The following TGFB1 variants were observed in gnomAD, a reference collection of about 807,000 sequenced individuals.
TGFB1 encodes transforming growth factor beta 1.
TGFB1 carries 19 observed loss-of-function variants against 43.8 expected under a neutral mutation model. The ratio of observed to expected loss-of-function variants is 0.43; its 90% CI spans 0.30 to 0.64. The LOEUF is 0.64. TGFB1 is among the 30% of genes least tolerant of loss of function. The probability of loss-of-function intolerance (pLI) is 0.11; values close to 1 mark genes in which losing one functional copy is unlikely to be tolerated. For missense variants in TGFB1, 445 were observed against 529.8 expected, an observed-to-expected ratio of 0.84 and a Z score of 1.57; for synonymous variants, 221 against 236.3, an observed-to-expected ratio of 0.94 and a Z score of 0.60.
At chr19:41,350,962 G>C (rs1289938161) in intron 1 of TGFB1, 1 of 152,536 alleles carries the variant, frequency 6.6e-6, no homozygotes. Context: ...GGAGATGTCA[G>C]AGACGGAGAC....
chr19:41,350,041 C>T (rs541721706), intron 1 of TGFB1, among the ~76,000 whole-genome samples: 1 of 151,970 alleles, frequency 6.6e-6, no homozygotes, highest in South Asian at 2.1e-4. Context: ...AGTGCAGTAG[C>T]ACAACCATGG....
intron 5 of TGFB1, among the ~76,000 whole-genome samples, chr19:41,335,214 G>A (rs1264045202): frequency 6.6e-6 from 1 of 151,954 alleles, no homozygotes; most frequent in Non-Finnish European, 1.5e-5. Flanking sequence ...CACCATGCCT[G>A]GCTAATTTTT....
rs13306707 is a variant in TGFB1 at position 41,353,293 on chromosome 19, G to A, written c.-249C>T. 3 of 498,936 alleles carry A rather than the reference G, an allele frequency of 6.0e-6. No homozygotes were observed. Among genetic ancestry groups the A allele is most frequent in the Non-Finnish European group, 7.0e-6 (2 of 285,548 alleles). 30.9% of individuals were successfully genotyped at this position (498,936 alleles called of 1,614,324 possible). A position where few individuals can be genotyped will look rare whatever the true frequency, so the allele number is the denominator to read the frequency against. On this transcript the variant is annotated 5_prime_UTR_variant, in exon 1 of 7. Transcript: ENST00000221930. The surrounding 1 kb of genome is among the most constrained non-coding windows in gnomAD (Gnocchi z 5.9). ...AGAAGGTGGGTGGTCTTGAATAGGG[G>A]ATCTGTGGCAGGTCGGAGAGAGATC...
chr19:41,353,088 G>T lies in TGFB1; in HGVS notation c.-44C>A. On this transcript the variant is annotated 5_prime_UTR_variant, in exon 1 of 7. Coordinates refer to ENST00000221930, the MANE Select transcript of TGFB1 (RefSeq NM_000660.7). This position sits in a 1 kb window ranked among gnomAD's most constrained non-coding sequence, Gnocchi z 5.9. Reference sequence around the variant, plus strand: ...CGGCACTGCCGAGAGCGCGAACAGGGCTGGTGTGGTGGGGAGGCCCCGCCC... The same window carrying T: ...CGGCACTGCCGAGAGCGCGAACAGGTCTGGTGTGGTGGGGAGGCCCCGCCC... 1 of 1,475,838 alleles carries T rather than the reference G, an allele frequency of 6.8e-7. No individual in the cohort carries two copies. Among genetic ancestry groups the T allele is most frequent in the Non-Finnish European group, 8.9e-7 (1 of 1,118,690 alleles). The allele number at this position is 1,475,838 out of a possible 1,614,324, so 91.4% of individuals were successfully genotyped here.
chr19:41,332,950 A>T (rs1307218012), intron 5 of TGFB1, among the ~76,000 whole-genome samples: 1 of 151,778 alleles, frequency 6.6e-6, no homozygotes, highest in African/African-American at 2.4e-5. Flanking sequence ...TTGTCTTGTC[A>T]CTCCTCTGCT....
At chr19:41,338,869 G>A (rs1224441313) in intron 5 of TGFB1, among the ~76,000 whole-genome samples, 1 of 151,914 alleles carries the variant, frequency 6.6e-6, no homozygotes, top group Non-Finnish European at 1.5e-5. Flanking sequence ...AACTGTTTAT[G>A]TTGTGGATAA....
chr19:41,352,641 G>A lies in TGFB1; in HGVS notation c.355+49C>T, dbSNP rs773460813. The A allele has an allele frequency of 1.9e-6, 3 of 1,601,556 alleles. 1 individual carries two copies. Among genetic ancestry groups the A allele is most frequent in the South Asian group, 2.2e-5 (2 of 90,188 alleles). On this transcript the variant is annotated intron_variant, in intron 1 of 6. Coordinates refer to ENST00000221930, the MANE Select transcript of TGFB1 (RefSeq NM_000660.7). Reference sequence around the variant, plus strand: ...TCCTACCCGTGGCCCCGGCACTCCGGCGCCCCCTGGGGGCCCCCCTCCCGG... The same window carrying A: ...TCCTACCCGTGGCCCCGGCACTCCGACGCCCCCTGGGGGCCCCCCTCCCGG...
chr19:41,345,491 C>G (rs139047622), intron 2 of TGFB1, among the ~76,000 whole-genome samples: 2 of 152,044 alleles, frequency 1.3e-5, no homozygotes, highest in Non-Finnish European at 2.9e-5. Context: ...GACGAGACTT[C>G]GTCTCAAAAT....
intron 6 of TGFB1, 81 bp from the exon 7 acceptor site, chr19:41,331,291 T>C: frequency 7.1e-7 from 1 of 1,413,938 alleles, no homozygotes; most frequent in Non-Finnish European, 9.2e-7. Context: ...CCCCACCCGC[T>C]ACCGCGCCAG....
intron 6 of TGFB1, among the ~76,000 whole-genome samples, chr19:41,331,550 G>T (rs1212268223): frequency 7.0e-6 from 1 of 142,036 alleles, no homozygotes; most frequent in Non-Finnish European, 1.5e-5. Flanking sequence ...CCACAGGCAA[G>T]CGCCACCACT....
chr19:41,352,346 C>T (rs1361516015), intron 1 of TGFB1, among the ~76,000 whole-genome samples: 4 of 118,578 alleles, frequency 3.4e-5, no homozygotes, highest in Non-Finnish European at 7.4e-5. Context: ...CCCCACGACC[C>T]CCCCCCCCAT....
chr19:41,333,410 T>C (rs527378546), intron 5 of TGFB1, among the ~76,000 whole-genome samples: 6 of 152,110 alleles, frequency 3.9e-5, no homozygotes, highest in Non-Finnish European at 7.4e-5. Context: ...AGACAGGGTT[T>C]CACCATGTTG....
intron 2 of TGFB1, 95 bp downstream of exon 2, chr19:41,348,200 G>T: frequency 7.0e-7 from 1 of 1,425,990 alleles, no homozygotes; most frequent in Non-Finnish European, 9.8e-7. Flanking sequence ...CCATCTAGGT[G>T]GACCTTGTAA....
chr19:41,341,962 T>A lies in TGFB1; in HGVS notation c.781A>T (p.Met261Leu), dbSNP rs547881966. 8.7e-6 allele frequency: 14 copies of A among 1,614,050 alleles called. No homozygotes were observed. The South Asian group carries it at 1.4e-4, about 16-fold the overall frequency. The change falls in exon 5 of 7, where the codon ATG becomes TTG. Residue 261 changes from methionine to leucine, a missense_variant. Transcript: ENST00000221930. The stretch of plus-strand genomic sequence containing the variant: ...TGGGCCCTCTCCAGCGGGGTGGCCA[T>A]GAGAAGCAGGAAAGGCCGGTTCATG... ...HGMNRPFLLL[M>L]ATPLERAQHL... is the part of the protein sequence containing the mutation.
intron 2 of TGFB1, among the ~76,000 whole-genome samples, chr19:41,346,286 G>T (rs2038115353): frequency 6.6e-6 from 1 of 152,144 alleles, no homozygotes; most frequent in African/African-American, 2.4e-5. Context: ...GGAAGCAAAG[G>T]TTGTGGTGAG....
intron 3 of TGFB1, among the ~76,000 whole-genome samples, chr19:41,343,836 G>A (rs1428916593): frequency 7.7e-6 from 1 of 129,876 alleles, no homozygotes; most frequent in Non-Finnish European, 1.7e-5. Context: ...ATAAATGAGA[G>A]GGAGGTGAGG....
In TGFB1 at chr19:41,331,015, C is replaced by A; in HGVS notation, c.*37G>T. Reference sequence around the variant, plus strand: ...GCAGCGGGGGCGGGGCGGGGTGGGGCCGGGCCTGCCGGGGCGGGGCGGGGC... The same window carrying A: ...GCAGCGGGGGCGGGGCGGGGTGGGGACGGGCCTGCCGGGGCGGGGCGGGGC... On this transcript the variant is annotated 3_prime_UTR_variant, in exon 7 of 7. Transcript: ENST00000221930. 1 of 1,239,010 alleles carries A rather than the reference C, an allele frequency of 8.1e-7. No homozygotes were observed. The highest frequency in any genetic ancestry group is 1.4e-5 in the South Asian group (1 of 73,264). 76.8% of individuals were successfully genotyped at this position (1,239,010 alleles called of 1,614,324 possible).
chr19:41,341,742 C>T, intron 5 of TGFB1, 141 bp downstream of exon 5: 1 of 1,077,320 alleles, frequency 9.3e-7, no homozygotes, highest in East Asian at 2.5e-5. Context: ...CAGACCTCAT[C>T]CCCTGAGCCC....
In TGFB1 at chr19:41,342,012, C is replaced by T. The variant is rs1871027527; in HGVS notation, c.731G>A (p.Arg244Gln). ...GCCATGAATGGTGGCCAGGTCACCT[C>T]GGCGGCCGGTAGTGAACCCTGCTTT... Reference protein sequence around the residue: ...VDINGFTTGRRGDLATIHGMN... With the variant: ...VDINGFTTGRQGDLATIHGMN... The change falls in exon 5 of 7, where the codon CGA becomes CAA. Residue 244 changes from arginine (R) to glutamine (Q), a missense_variant. Arg to Gln is a conservative substitution (Grantham distance 43, BLOSUM62 1). Around this residue, in one of 3 missense-constraint regions of TGFB1, gnomAD observed 366 missense variants for 428.8 expected, o/e 0.85. Coordinates refer to ENST00000221930, the MANE Select transcript of TGFB1 (RefSeq NM_000660.7). The T allele has an allele frequency of 6.2e-7, 1 of 1,614,158 alleles. No individual in the cohort carries two copies. The highest frequency in any genetic ancestry group is 8.5e-7 in the Non-Finnish European group (1 of 1,180,024).
Sources: gnomAD v4.1 joint callset for allele counts (sites outside exome capture counted in the v4.1 genomes callset) on GRCh38, gnomAD v4.1.1 for gene constraint, gnomAD v4.1.1 regional missense constraint, Gnocchi (gnomAD v3.1) non-coding constraint, MANE v1.5 for transcripts, NCBI Gene and HGNC (gene_info 2026-07-23, HGNC 2026-07-21) for gene names.